The following GLB1L2 variants were observed in gnomAD, a reference collection of about 807,000 sequenced individuals.
GLB1L2 encodes the protein galactosidase beta 1 like 2, also known as beta-galactosidase-1-like protein 2.
Under a neutral mutation model 84.1 loss-of-function variants are expected in GLB1L2, and 68 were observed. The ratio of observed to expected loss-of-function variants is 0.81; its 90% CI spans 0.67 to 0.99. The LOEUF is 0.99. GLB1L2 is among the 50% of genes least tolerant of loss of function. The pLI is 0.00. For missense variants in GLB1L2, 762 were observed against 805.6 expected (o/e 0.95, Z 0.66); for synonymous variants, 290 against 318.0 (o/e 0.91, Z 0.94).
chr11:134,338,288 G>A lies in GLB1L2; in HGVS notation c.87-4466G>A, dbSNP rs1047164491. On this transcript the variant is annotated intron_variant, in intron 1 of 18. Coordinates refer to ENST00000535456, the MANE Select transcript of GLB1L2 (RefSeq NM_001370461.1). This position sits in a 1 kb window ranked among gnomAD's most constrained non-coding sequence, Gnocchi z 6.2. ...CCTGATGAGTGTTTGCAGGATTGACGGGTGATGCAGGGATGCCCGCTGGCA... is the reference window on the plus strand; with the variant it reads ...CCTGATGAGTGTTTGCAGGATTGACAGGTGATGCAGGGATGCCCGCTGGCA... Among the ~76,000 whole-genome samples, 1 of 152,142 alleles carries A rather than the reference G, an allele frequency of 6.6e-6. No individual in the cohort carries two copies. The highest frequency in any genetic ancestry group is 1.5e-5 in the Non-Finnish European group (1 of 68,022).
Position 134,346,144 on chromosome 11 carries a change from C to G in GLB1L2, c.449+1015C>G, listed in dbSNP as rs371895137. On this transcript the variant is annotated intron_variant, in intron 4 of 18. Transcript: ENST00000535456. ...CTGGTCCCTGGGGAGCCCTGGGCTT[C>G]TTTTCCTCCTGGTTTCCAGCATGAC... Among the ~76,000 whole-genome samples the G allele has an allele frequency of 3.1e-3, 479 of 152,286 alleles. 4 individuals carry two copies. The highest frequency in any genetic ancestry group is 0.011 in the African/African-American group (451 of 41,556).
At chr11:134,372,770 G>A (rs529056184) in intron 15 of GLB1L2, among the ~76,000 whole-genome samples, 73 of 152,188 alleles carry the variant, frequency 4.8e-4, no homozygotes, top group African/African-American at 1.4e-3. Context: ...GGAAAGCCAC[G>A]TGGCCCAGAC....
intron 4 of GLB1L2, among the ~76,000 whole-genome samples, chr11:134,345,836 T>C (rs1057342973): frequency 6.6e-6 from 1 of 152,218 alleles, no homozygotes; most frequent in Non-Finnish European, 1.5e-5. Flanking sequence ...TGATAAAGTA[T>C]AAGAGAAACA....
chr11:134,374,914 C>T lies in GLB1L2; in HGVS notation c.1825-58C>T, dbSNP rs1944005677. On this transcript the variant is annotated intron_variant, in intron 18 of 18. Coordinates refer to ENST00000535456, the MANE Select transcript of GLB1L2 (RefSeq NM_001370461.1). ...TTCTGACCCTGCCACCTCTCAGCACCTCCCCTGGCTCCAGGACAGACGTCA... is the reference window on the plus strand; with the variant it reads ...TTCTGACCCTGCCACCTCTCAGCACTTCCCCTGGCTCCAGGACAGACGTCA... 4 of 1,529,410 alleles carry T rather than the reference C, an allele frequency of 2.6e-6. No homozygotes were observed. In the African/African-American group the frequency reaches 5.5e-5, roughly 21 times the overall value. The allele number at this position is 1,529,410 out of a possible 1,614,324, so 94.7% of individuals were successfully genotyped here.
At chr11:134,372,218 A>G (rs1274141171) in intron 15 of GLB1L2, among the ~76,000 whole-genome samples, 2 of 152,096 alleles carry the variant, frequency 1.3e-5, no homozygotes, top group African/African-American at 2.4e-5. Context: ...TCCACACTGA[A>G]GTTCTCTTCT....
At chr11:134,369,045 TA>T (rs1008108488) in intron 10 of GLB1L2, among the ~76,000 whole-genome samples, 1 of 152,148 alleles carries the variant, frequency 6.6e-6, no homozygotes, top group Admixed American at 6.5e-5. Context: ...GAGACCGCCC[TA>T]GGGGGACAGG....
chr11:134,371,831 G>A lies in GLB1L2; in HGVS notation c.1507+1G>A. The A allele has an allele frequency of 5.0e-6, 8 of 1,613,982 alleles. No homozygotes were observed. Among genetic ancestry groups the A allele is most frequent in the South Asian group, 1.1e-5 (1 of 91,076 alleles). ...GAGAATATTGATGACCAGCGCAAAG[G>A]TGGGTCCCAGAATGTGTCAAAAGAA... is the stretch of plus-strand genomic sequence containing the variant. On this transcript the variant is annotated splice_donor_variant, in intron 15 of 18. Transcript: ENST00000535456. LOFTEE classifies it high-confidence loss of function.
chr11:134,369,929 C>A, intron 11 of GLB1L2, 44 bp downstream of exon 11: 1 of 1,533,438 alleles, frequency 6.5e-7, no homozygotes, highest in Non-Finnish European at 9.0e-7. Context: ...CAGGCCCTCG[C>A]TTCTGCTCTC....
intron 7 of GLB1L2, among the ~76,000 whole-genome samples, chr11:134,364,073 G>T (rs566736144): frequency 2.0e-5 from 3 of 152,234 alleles, no homozygotes; most frequent in Admixed American, 2.0e-4. Context: ...TAGAGAGGGG[G>T]TTTCACCATG....
At chr11:134,371,910 A>T in intron 15 of GLB1L2, 80 bp downstream of exon 15, 2 of 1,393,846 alleles carry the variant, frequency 1.4e-6, no homozygotes, top group Non-Finnish European at 2.0e-6. Context: ...CTAGCAGGCC[A>T]CCAGGCCATG....
At chr11:134,368,080 A>G (rs925937115) in intron 9 of GLB1L2, among the ~76,000 whole-genome samples, 6 of 152,190 alleles carry the variant, frequency 3.9e-5, no homozygotes, top group African/African-American at 1.4e-4. Flanking sequence ...CCCATTTCCC[A>G]CAGATTCAGC....
Position 134,375,814 on chromosome 11 carries a change from T to C in GLB1L2, c.*756T>C, listed in dbSNP as rs1171215685. On this transcript the variant is annotated 3_prime_UTR_variant, in exon 19 of 19. Transcript: ENST00000535456. ...AGGAGGACAGAAGGCCCAGCTCACA[T>C]GTGAGTCCTGGCAGAAGCCATGGCC... is the stretch of plus-strand genomic sequence containing the variant. 8.2e-6 allele frequency: 1 copy of C among 121,272 alleles called. No homozygotes were observed. The highest frequency in any genetic ancestry group is 1.7e-5 in the Non-Finnish European group (1 of 57,628). The allele number at this position is 121,272 out of a possible 1,614,324, so 7.5% of individuals were successfully genotyped here.
At chr11:134,374,499 C>A in intron 17 of GLB1L2, 103 bp from the exon 18 acceptor site, 2 of 920,844 alleles carry the variant, frequency 2.2e-6, no homozygotes, top group South Asian at 1.4e-5. Context: ...CCAGACACAG[C>A]TCGCTTTGGT....
rs1346115361 is a variant in GLB1L2, at chr11:134,370,767, C to T, written c.1216-241C>T. 1.3e-5 allele frequency among the ~76,000 whole-genome samples: 2 copies of T among 152,152 alleles called. No individual in the cohort carries two copies. The highest frequency in any genetic ancestry group is 2.9e-5 in the Non-Finnish European group (2 of 68,024). ...CCCAAGAAGGGGGTGCCTCCTCCGG[C>T]GGACTGAGGCTGTGATGTGTGTCCC... On this transcript the variant is annotated intron_variant, in intron 12 of 18. Transcript: ENST00000535456. This position sits in a 1 kb window ranked among gnomAD's most constrained non-coding sequence, Gnocchi z 4.7.
chr11:134,367,507 T>G (rs542018919), intron 9 of GLB1L2, among the ~76,000 whole-genome samples, 166 bp downstream of exon 9: 87 of 152,338 alleles, frequency 5.7e-4, no homozygotes, highest in African/African-American at 2.0e-3. Context: ...TCTTGACACT[T>G]GGATGAATGG....
Position 134,371,540 on chromosome 11 carries a change from A to G in GLB1L2, c.1428+48A>G. 2.5e-6 allele frequency: 3 copies of G among 1,214,360 alleles called. No homozygotes were observed. In the South Asian group the frequency reaches 3.6e-5, roughly 15 times the overall value. The allele number at this position is 1,214,360 out of a possible 1,614,324, so 75.2% of individuals were successfully genotyped here. Reference sequence around the variant, plus strand: ...GTGATGGCTAGCCCCCGCTGCTTCGAGGAAGTCTGGGGGCAGTCACTGAGG... The same window carrying G: ...GTGATGGCTAGCCCCCGCTGCTTCGGGGAAGTCTGGGGGCAGTCACTGAGG... On this transcript the variant is annotated intron_variant, in intron 14 of 18. Transcript: ENST00000535456.
At chr11:134,357,676 C>T (rs1565438790) in intron 6 of GLB1L2, among the ~76,000 whole-genome samples, 3 of 152,232 alleles carry the variant, frequency 2.0e-5, no homozygotes, top group Non-Finnish European at 2.9e-5. Flanking sequence ...TCCCTGGTGT[C>T]GGGGCGGAGG....
chr11:134,332,013 A>C lies in GLB1L2; in HGVS notation c.-49A>C, dbSNP rs1469369773. On this transcript the variant is annotated 5_prime_UTR_variant, in exon 1 of 19. Transcript: ENST00000535456. ...GCGGCGAGGCTCCCGCGCGCGGCTGAGTGCGGACTGGAGTGGGAACCCGGG... is the reference window on the plus strand; with the variant it reads ...GCGGCGAGGCTCCCGCGCGCGGCTGCGTGCGGACTGGAGTGGGAACCCGGG... 3.0e-6 allele frequency: 4 copies of C among 1,328,020 alleles called. No individual in the cohort carries two copies. The African/African-American group carries it at 6.1e-5, about 20-fold the overall frequency. The allele number at this position is 1,328,020 out of a possible 1,614,324, so 82.3% of individuals were successfully genotyped here.
chr11:134,351,407 G>A (rs1442661295), intron 5 of GLB1L2, among the ~76,000 whole-genome samples: 108 of 147,684 alleles, frequency 7.3e-4, no homozygotes, highest in African/African-American at 2.5e-3. Context: ...GAGCAATGGC[G>A]CTATCTCAGC....
Sources: allele counts gnomAD v4.1 joint callset (sites outside exome capture counted in the v4.1 genomes callset), GRCh38; gene constraint gnomAD v4.1.1; non-coding constraint Gnocchi (gnomAD v3.1); transcripts MANE v1.5; gene names NCBI Gene and HGNC (gene_info 2026-07-23, HGNC 2026-07-21).